UVRAG: variants seen among roughly 807,000 people sequenced by gnomAD.
UVRAG encodes UV radiation resistance-associated gene protein.
UVRAG carries 19 observed loss-of-function variants against 78.0 expected under a neutral mutation model. That is an observed-to-expected ratio of 0.24 (90% CI 0.17 to 0.36). UVRAG has a LOEUF of 0.36. UVRAG is among the 10% of genes least tolerant of loss of function. The probability of loss-of-function intolerance (pLI) is 1.00; values close to 1 mark genes in which losing one functional copy is unlikely to be tolerated. For missense variants in UVRAG, 740 were observed against 853.8 expected (o/e 0.87, Z 1.66); for synonymous variants, 323 against 324.6 (o/e 1.00, Z 0.05).
chr11:75,860,552 G>GCACCA (rs1251904276), intron 2 of UVRAG, among the ~76,000 whole-genome samples: 2 of 151,990 alleles, frequency 1.3e-5, no homozygotes, highest in Non-Finnish European at 2.9e-5. Flanking sequence ...TAGGATATAT[G>GCACCA]TATATGTATA....
intron 11 of UVRAG, among the ~76,000 whole-genome samples, chr11:76,009,729 C>T (rs1025328663): frequency 5.3e-5 from 8 of 152,068 alleles, no homozygotes; most frequent in Admixed American, 2.0e-4. Flanking sequence ...GTACTTTGGA[C>T]GTGATAAAAG....
At chr11:75,871,682 T>C (rs1946655237) in intron 3 of UVRAG, among the ~76,000 whole-genome samples, 1 of 152,240 alleles carries the variant, frequency 6.6e-6, no homozygotes, top group Non-Finnish European at 1.5e-5. Flanking sequence ...GCTGAACATA[T>C]GTGTGCCTTT....
chr11:75,870,668 C>T (rs531188940), intron 3 of UVRAG, among the ~76,000 whole-genome samples: 4 of 152,248 alleles, frequency 2.6e-5, no homozygotes, highest in African/African-American at 9.6e-5. Flanking sequence ...TTAGGACATA[C>T]ATCAGGAAGA....
chr11:75,863,829 T>C (rs1377061498), intron 3 of UVRAG, among the ~76,000 whole-genome samples: 1 of 152,214 alleles, frequency 6.6e-6, no homozygotes, highest in Non-Finnish European at 1.5e-5. Context: ...ATGTACCTCA[T>C]ACAGTGTTTG....
intron 14 of UVRAG, among the ~76,000 whole-genome samples, chr11:76,124,559 TCA>T (rs1272305970): frequency 6.6e-6 from 1 of 152,240 alleles, no homozygotes; most frequent in Non-Finnish European, 1.5e-5. Flanking sequence ...AGAATCAATC[TCA>T]GTGACCTTAG....
chr11:75,902,097 A>G (rs1243448153), intron 5 of UVRAG, among the ~76,000 whole-genome samples: 1 of 152,226 alleles, frequency 6.6e-6, no homozygotes. Context: ...TCTGGCATGT[A>G]ATAATAATCC....
intron 12 of UVRAG, among the ~76,000 whole-genome samples, chr11:76,033,974 A>C (rs2135405233): frequency 6.6e-6 from 1 of 152,244 alleles, no homozygotes; most frequent in Admixed American, 6.5e-5. Context: ...TAAGAACCTC[A>C]ATCCTGGTTA....
At chr11:75,964,168 G>A (rs897416626) in intron 7 of UVRAG, among the ~76,000 whole-genome samples, 11 of 152,164 alleles carry the variant, frequency 7.2e-5, no homozygotes, top group Admixed American at 6.5e-4. Flanking sequence ...TAAAGAAATT[G>A]TGCATATGTA....
chr11:75,924,393 TG>T (rs1948044273), intron 6 of UVRAG, among the ~76,000 whole-genome samples: 1 of 151,890 alleles, frequency 6.6e-6, no homozygotes, highest in Non-Finnish European at 1.5e-5. Flanking sequence ...TTTTTGTTTT[TG>T]TTTTTTTTTG....
intron 5 of UVRAG, among the ~76,000 whole-genome samples, chr11:75,897,089 G>A (rs1205541651): frequency 6.6e-6 from 1 of 152,166 alleles, no homozygotes; most frequent in East Asian, 1.9e-4. Context: ...GTCAAAAGGA[G>A]CAAATCTTTG....
At chr11:75,888,777 A>G (rs1947150314) in intron 4 of UVRAG, 52 bp from the exon 5 acceptor site, 1 of 1,484,070 alleles carries the variant, frequency 6.7e-7, no homozygotes, top group Non-Finnish European at 9.3e-7. Flanking sequence ...TGGTTGTATT[A>G]AAACATGATC....
rs528220167 is a variant in UVRAG at position 75,870,573 on chromosome 11, C to T, written c.270+8793C>T. 3.3e-5 allele frequency among the ~76,000 whole-genome samples: 5 copies of T among 152,110 alleles called. No individual in the cohort carries two copies. The South Asian group carries it at 1.0e-3, about 32-fold the overall frequency. ...CTTCATATTTTAGTATATATTTACT[C>T]TTATTGAAAGGTGGTCTTAAACAAA... On this transcript the variant is annotated intron_variant, in intron 3 of 14. Transcript: ENST00000356136.
At chr11:76,070,361 A>G (rs1190345621) in intron 13 of UVRAG, among the ~76,000 whole-genome samples, 1 of 152,198 alleles carries the variant, frequency 6.6e-6, no homozygotes, top group Non-Finnish European at 1.5e-5. Flanking sequence ...GATAGGCTGC[A>G]TAAGTCTAGG....
chr11:75,932,832 C>G (rs1948272954), intron 6 of UVRAG, among the ~76,000 whole-genome samples: 1 of 152,090 alleles, frequency 6.6e-6, no homozygotes, highest in African/African-American at 2.4e-5. Context: ...AACTACAAGA[C>G]ATTAATACAA....
At chr11:75,892,329 T>C in intron 5 of UVRAG, 1 of 985,422 alleles carries the variant, frequency 1.0e-6, no homozygotes, top group Non-Finnish European at 1.2e-6. Flanking sequence ...GCTCCTTTCA[T>C]GACCTTTTCT....
At chr11:75,930,254 T>G (rs1948205654) in intron 6 of UVRAG, among the ~76,000 whole-genome samples, 1 of 152,248 alleles carries the variant, frequency 6.6e-6, no homozygotes, top group Admixed American at 6.5e-5. Flanking sequence ...TGTTCCATGG[T>G]GTTTTTTAAC....
chr11:76,127,925 C>T (rs948393349), intron 14 of UVRAG, among the ~76,000 whole-genome samples: 1 of 151,274 alleles, frequency 6.6e-6, no homozygotes, highest in African/African-American at 2.4e-5. Flanking sequence ...CCACTGCACT[C>T]AAGCCTGGGC....
chr11:76,113,718 TA>T lies in UVRAG; in HGVS notation c.1306-2205del, dbSNP rs1167988215. Among the ~76,000 whole-genome samples, 3 of 152,190 alleles carry T rather than the reference TA, an allele frequency of 2.0e-5. No homozygotes were observed. In the East Asian group the frequency reaches 5.8e-4, roughly 29 times the overall value. ...CGGTTCTAGCCTTGGCTTTGTCCCT[TA>T]TCATCCCTGTGACTTTGGGCAGGAT... is the stretch of plus-strand genomic sequence containing the variant. On this transcript the variant is annotated intron_variant, in intron 13 of 14. Transcript: ENST00000356136.
At chr11:75,871,081 T>C (rs1296752920) in intron 3 of UVRAG, among the ~76,000 whole-genome samples, 1 of 152,054 alleles carries the variant, frequency 6.6e-6, no homozygotes, top group African/African-American at 2.4e-5. Flanking sequence ...AACATGTTAG[T>C]CAGGCTGGTC....
Sources: gnomAD v4.1 joint callset for allele counts (sites outside exome capture counted in the v4.1 genomes callset) on GRCh38, gnomAD v4.1.1 for gene constraint, MANE v1.5 for transcripts, NCBI Gene and HGNC (gene_info 2026-07-23, HGNC 2026-07-21) for gene names.